Variants in RBFOX1 observed in about 807,000 individuals in gnomAD.
RBFOX1 encodes RNA binding protein fox-1 homolog 1.
A neutral mutation model predicts 57.7 loss-of-function variants in RBFOX1; 8 were observed. That is an observed-to-expected ratio of 0.14 (90% confidence interval 0.08 to 0.25). The LOEUF is 0.25. Among genes scored for constraint, RBFOX1 ranks in the 10% least tolerant of loss-of-function variants. RBFOX1 has a pLI of 1.00. For synonymous variants in RBFOX1, 326 were observed against 222.4 expected (o/e 1.47, Z -4.15); for missense variants, 611 against 548.5 (o/e 1.11, Z -1.14).
intron 3 of RBFOX1, among the ~76,000 whole-genome samples, chr16:5,631,414 G>T (rs1057234218): frequency 1.3e-5 from 2 of 152,058 alleles, no homozygotes; most frequent in Admixed American, 1.3e-4. Flanking sequence ...AAAATTAGCC[G>T]GGTATGGTGG....
At chr16:7,246,032 C>T (rs560812369) in intron 4 of RBFOX1, among the ~76,000 whole-genome samples, 2 of 152,138 alleles carry the variant, frequency 1.3e-5, no homozygotes, top group African/African-American at 4.8e-5. Context: ...AAATTATCAC[C>T]CACCTTAGAT....
At chr16:5,660,145 G>T (rs2049597637) in intron 3 of RBFOX1, among the ~76,000 whole-genome samples, 1 of 152,214 alleles carries the variant, frequency 6.6e-6, no homozygotes, top group African/African-American at 2.4e-5. Context: ...GCGAGAATGG[G>T]ACTCAGGTTG....
intron 4 of RBFOX1, among the ~76,000 whole-genome samples, chr16:7,232,104 A>T (rs2093532629): frequency 6.6e-6 from 1 of 152,132 alleles, no homozygotes; most frequent in African/African-American, 2.4e-5. Flanking sequence ...GCTCACTGCA[A>T]ATTCCACCTC....
In RBFOX1 at chr16:6,717,286, A is replaced by T. The variant is rs935209259; in HGVS notation, c.-16+62636A>T. On this transcript the variant is annotated intron_variant, in intron 3 of 15. Coordinates refer to ENST00000550418, the MANE Select transcript of RBFOX1 (RefSeq NM_018723.4). The stretch of plus-strand genomic sequence containing the variant: ...GACATTATTTGAGTGTCAGACTTGC[A>T]TCTAATTGAGCCGCAAGCCTTGAAC... 5.3e-5 allele frequency among the ~76,000 whole-genome samples: 8 copies of T among 152,076 alleles called. 1 individual carries two copies. In the South Asian group the frequency reaches 1.7e-3, roughly 32 times the overall value.
chr16:6,653,876 G>A (rs571467651), intron 2 of RBFOX1, among the ~76,000 whole-genome samples: 4 of 151,720 alleles, frequency 2.6e-5, no homozygotes, highest in Non-Finnish European at 5.9e-5. Flanking sequence ...GTGGATAGCT[G>A]GATGGATGAA....
intron 1 of RBFOX1, among the ~76,000 whole-genome samples, chr16:5,294,723 C>T (rs905107742): frequency 2.0e-5 from 3 of 151,974 alleles, no homozygotes; most frequent in African/African-American, 7.2e-5. Context: ...TGGGGTGTTG[C>T]ACTTGGACAT....
At chr16:6,576,034 C>T (rs2097430221) in intron 2 of RBFOX1, among the ~76,000 whole-genome samples, 1 of 152,100 alleles carries the variant, frequency 6.6e-6, no homozygotes, top group Admixed American at 6.6e-5. Flanking sequence ...CTCCCCCCAT[C>T]ACACAGTTCA....
chr16:6,849,503 A>C (rs372600106), intron 3 of RBFOX1, among the ~76,000 whole-genome samples: 2 of 152,106 alleles, frequency 1.3e-5, no homozygotes, highest in East Asian at 1.9e-4. Context: ...CCCTATCTCT[A>C]CTAAACAATA....
At chr16:6,333,393 T>G (rs1165341248) in intron 2 of RBFOX1, among the ~76,000 whole-genome samples, 1 of 152,184 alleles carries the variant, frequency 6.6e-6, no homozygotes, top group East Asian at 1.9e-4. Context: ...AAAGCTGTTT[T>G]GTTCTTTGGA....
chr16:6,806,520 T>G (rs941534249), intron 3 of RBFOX1, among the ~76,000 whole-genome samples: 2 of 152,070 alleles, frequency 1.3e-5, no homozygotes, highest in Non-Finnish European at 2.9e-5. Flanking sequence ...AGCATTTGAA[T>G]GAGTTCACCA....
chr16:6,291,752 C>T (rs558119165), intron 1 of RBFOX1, among the ~76,000 whole-genome samples: 24 of 152,338 alleles, frequency 1.6e-4, no homozygotes, highest in African/African-American at 5.1e-4. Context: ...GTATACTTCT[C>T]TTGATCTTGC....
intron 10 of RBFOX1, among the ~76,000 whole-genome samples, chr16:7,630,361 C>T (rs537606043): frequency 9.0e-4 from 137 of 151,902 alleles, no homozygotes; most frequent in Middle Eastern, 3.4e-3. Flanking sequence ...AACCAGAGTC[C>T]GCTACACAAC....
chr16:7,304,404 G>T (rs1032502652), intron 4 of RBFOX1: 15 of 985,248 alleles, frequency 1.5e-5, no homozygotes, highest in Non-Finnish European at 1.8e-5. Flanking sequence ...ATCCTCTGAC[G>T]GGGGCCACCT....
chr16:6,475,234 C>T (rs1159060115), intron 2 of RBFOX1, among the ~76,000 whole-genome samples: 1 of 151,626 alleles, frequency 6.6e-6, no homozygotes, highest in Non-Finnish European at 1.5e-5. Context: ...TTATAAAACA[C>T]ATTGAAAACA....
intron 3 of RBFOX1, among the ~76,000 whole-genome samples, chr16:6,900,520 G>T (rs1013256077): frequency 6.6e-6 from 1 of 152,152 alleles, no homozygotes; most frequent in Non-Finnish European, 1.5e-5. Flanking sequence ...GTCTGGCCCT[G>T]CCCTTCTCTC....
At chr16:7,686,351 A>G (rs979850247) in intron 14 of RBFOX1, among the ~76,000 whole-genome samples, 1 of 152,006 alleles carries the variant, frequency 6.6e-6, no homozygotes, top group African/African-American at 2.4e-5. Flanking sequence ...CAAATATCCT[A>G]TCCTTCTTTT....
intron 4 of RBFOX1, among the ~76,000 whole-genome samples, chr16:7,482,090 T>G (rs1483950788): frequency 1.3e-5 from 2 of 152,248 alleles, no homozygotes; most frequent in African/African-American, 4.8e-5. Flanking sequence ...TAGCAAGGGC[T>G]AGTGATGGTT....
chr16:7,381,214 A>C (rs1009842428), intron 4 of RBFOX1, among the ~76,000 whole-genome samples: 1 of 152,154 alleles, frequency 6.6e-6, no homozygotes, highest in Non-Finnish European at 1.5e-5. Context: ...CATCAAAGGG[A>C]TTGAGGCCGT....
At chr16:7,465,532 C>G (rs2060361360) in intron 4 of RBFOX1, among the ~76,000 whole-genome samples, 1 of 152,242 alleles carries the variant, frequency 6.6e-6, no homozygotes, top group Admixed American at 6.5e-5. Context: ...ATGGAAAGCA[C>G]TGCCTGCCAG....
Sources: gnomAD v4.1 joint callset for allele counts (sites outside exome capture counted in the v4.1 genomes callset) on GRCh38, gnomAD v4.1.1 for gene constraint, MANE v1.5 for transcripts, NCBI Gene and HGNC (gene_info 2026-07-23, HGNC 2026-07-21) for gene names.